The following PMFBP1 variants were observed in gnomAD, a reference collection of about 807,000 sequenced individuals.
The protein encoded by PMFBP1 is polyamine modulated factor 1 binding protein 1.
A neutral mutation model predicts 137.8 loss-of-function variants in PMFBP1; 131 were observed. The ratio of observed to expected loss-of-function variants is 0.95; its 90% CI spans 0.82 to 1.10. The LOEUF (loss-of-function observed/expected upper bound fraction) is 1.10. Among genes scored for constraint, PMFBP1 ranks in the 50% least tolerant of loss-of-function variants. The probability of loss-of-function intolerance (pLI) is 0.00; values close to 1 mark genes in which losing one functional copy is unlikely to be tolerated. For synonymous variants in PMFBP1, 490 were observed against 450.4 expected (o/e 1.09, Z -1.11); for missense variants, 1,199 against 1,175.4 (o/e 1.02, Z -0.29).
At chr16:72,193,058 G>A in the PMFBP1 span, among the ~76,000 whole-genome samples, 1 of 152,040 alleles carries the variant, frequency 6.6e-6, no homozygotes. Context: ...CAGTTACATG[G>A]ACCACCCTAT....
At chr16:72,240,068 C>A in the PMFBP1 span, among the ~76,000 whole-genome samples, 1 of 152,208 alleles carries the variant, frequency 6.6e-6, no homozygotes. Flanking sequence ...ATGCACAGAA[C>A]ATTTCAGCTA....
At chr16:72,214,570 T>A in the PMFBP1 span, among the ~76,000 whole-genome samples, 3 of 152,222 alleles carry the variant, frequency 2.0e-5, no homozygotes, top group Non-Finnish European at 4.4e-5. Context: ...TTATGGAAAT[T>A]CAGTGTCTAG....
chr16:72,138,336 G>A (rs935680444), intron 7 of PMFBP1, among the ~76,000 whole-genome samples: 3 of 152,036 alleles, frequency 2.0e-5, no homozygotes, highest in African/African-American at 7.2e-5. Context: ...CTGCCACCCC[G>A]CTTCGCCCCC....
chr16:72,154,181 G>C (rs775756793), intron 4 of PMFBP1, 30 bp downstream of exon 4: 1 of 1,605,822 alleles, frequency 6.2e-7, no homozygotes, highest in South Asian at 1.1e-5. Context: ...CTAAGAATGT[G>C]GGTTATTTCC....
In PMFBP1 at chr16:72,126,007, T is replaced by C; in HGVS notation, c.2214A>G (p.Ser738=). 1 of 1,614,228 alleles carries C rather than the reference T, an allele frequency of 6.2e-7. No individual in the cohort carries two copies. Among genetic ancestry groups the C allele is most frequent in the Non-Finnish European group, 8.5e-7 (1 of 1,180,018 alleles). The change falls in exon 15 of 21, where the codon TCA becomes TCG. Residue 738 remains serine (S), a synonymous_variant. Transcript: ENST00000237353. Reference sequence around the variant, plus strand: ...GTGTCAGGTCATCCTGGCAGGCGGCTGACTTCCGGGATAATGCATCATAGG... The same window carrying C: ...GTGTCAGGTCATCCTGGCAGGCGGCCGACTTCCGGGATAATGCATCATAGG... ...KEAYDALSRK[S]AACQDDLTQA...
rs1466827470 is a variant in PMFBP1, at chr16:72,125,865, C to T, written c.2253+103G>A. 5 of 1,381,842 alleles carry T rather than the reference C, an allele frequency of 3.6e-6. No homozygotes were observed. In the East Asian group the frequency reaches 6.9e-5, roughly 19 times the overall value. 85.6% of individuals were successfully genotyped at this position (1,381,842 alleles called of 1,614,324 possible). A position where few individuals can be genotyped will look rare whatever the true frequency, so the allele number is the denominator to read the frequency against. ...CCCACACAAGGGTTTGAGATGGCCC[C>T]ATTGACAGTCAATAGGCAGGAAATT... On this transcript the variant is annotated intron_variant, in intron 15 of 20. Transcript: ENST00000237353.
At chr16:72,168,056 A>G (rs956443443) in intron 2 of PMFBP1, among the ~76,000 whole-genome samples, 1 of 152,220 alleles carries the variant, frequency 6.6e-6, no homozygotes, top group African/African-American at 2.4e-5. Context: ...TAATTTGTAC[A>G]TTTAGCATCG....
At chr16:72,180,081 C>T (rs2043271050), upstream of PMFBP1, among the ~76,000 whole-genome samples, 1 of 152,156 alleles carries the variant, frequency 6.6e-6, no homozygotes, top group African/African-American at 2.4e-5. Flanking sequence ...CTTTCCCGCA[C>T]AGTACATGAG....
rs561136437 is a variant in PMFBP1 at position 72,143,825 on chromosome 16, G to A, written c.637-3243C>T. On this transcript the variant is annotated intron_variant, in intron 5 of 20. Transcript: ENST00000237353. ...GGAGGCCAAGGTAGGCAGATCACCTGAGGTCAGGAGTTCGAGGCCAGCCTG... is the reference window on the plus strand; with the variant it reads ...GGAGGCCAAGGTAGGCAGATCACCTAAGGTCAGGAGTTCGAGGCCAGCCTG... 2.4e-3 allele frequency among the ~76,000 whole-genome samples: 370 copies of A among 152,238 alleles called. 2 individuals carry two copies. The highest frequency in any genetic ancestry group is 2.1e-3 in the Non-Finnish European group (141 of 68,016).
intron 2 of PMFBP1, among the ~76,000 whole-genome samples, chr16:72,166,501 C>T (rs377201312): frequency 6.6e-6 from 1 of 152,130 alleles, no homozygotes; most frequent in African/African-American, 2.4e-5. Context: ...AATACAGTAC[C>T]TATCTCTTAG....
chr16:72,248,015 C>T, the PMFBP1 span, among the ~76,000 whole-genome samples: 12 of 152,242 alleles, frequency 7.9e-5, no homozygotes, highest in Non-Finnish European at 4.4e-5. Context: ...CCTCGGTCTG[C>T]CAAGTATCGA....
At chr16:72,227,962 C>A in the PMFBP1 span, among the ~76,000 whole-genome samples, 2 of 152,194 alleles carry the variant, frequency 1.3e-5, no homozygotes, top group Non-Finnish European at 2.9e-5. Flanking sequence ...AACACCTAAA[C>A]GCCAAGTGAA....
At chr16:72,231,999 G>C in the PMFBP1 span, among the ~76,000 whole-genome samples, 2 of 143,714 alleles carry the variant, frequency 1.4e-5, no homozygotes, top group Admixed American at 7.4e-5. Context: ...TTCAATCTCT[G>C]GTCACGCCAA....
intron 2 of PMFBP1, among the ~76,000 whole-genome samples, chr16:72,165,356 C>T (rs1270235792): frequency 1.3e-5 from 2 of 152,090 alleles, no homozygotes; most frequent in Middle Eastern, 3.4e-3. Context: ...CCTTTCTCTT[C>T]TACCCACTAG....
intron 2 of PMFBP1, 54 bp from the exon 3 acceptor site, chr16:72,164,970 CT>C: frequency 6.7e-7 from 1 of 1,501,354 alleles, no homozygotes; most frequent in Non-Finnish European, 9.0e-7. Context: ...GAAAGTGCTG[CT>C]TTCATTCACT....
At chr16:72,122,614 C>G (rs2042391794) in intron 19 of PMFBP1, among the ~76,000 whole-genome samples, 1 of 152,244 alleles carries the variant, frequency 6.6e-6, no homozygotes, top group African/African-American at 2.4e-5. Flanking sequence ...ATAATCCAGT[C>G]TGCCTTTCAG....
the PMFBP1 span, among the ~76,000 whole-genome samples, chr16:72,210,810 T>C: frequency 6.6e-6 from 1 of 152,124 alleles, no homozygotes; most frequent in Admixed American, 6.6e-5. Flanking sequence ...TCTTCCCTAG[T>C]ACAGTAAGAG....
rs1234345001 is a variant in PMFBP1, at chr16:72,158,536, A to G, written c.166-4077T>C. Among the ~76,000 whole-genome samples the G allele has an allele frequency of 2.6e-5, 4 of 152,224 alleles. No individual in the cohort carries two copies. The East Asian group carries it at 7.7e-4, about 29-fold the overall frequency. ...TACACAGATAGAGGGGCTTCTGAAGAGCCTGAGTCCTCCTGCTTACATAGT... is the reference window on the plus strand; with the variant it reads ...TACACAGATAGAGGGGCTTCTGAAGGGCCTGAGTCCTCCTGCTTACATAGT... On this transcript the variant is annotated intron_variant, in intron 3 of 20. Transcript: ENST00000237353.
the PMFBP1 span, among the ~76,000 whole-genome samples, chr16:72,241,984 C>T: frequency 6.6e-6 from 1 of 152,156 alleles, no homozygotes; most frequent in Admixed American, 6.5e-5. Context: ...GACTTGGACC[C>T]TCCGGACACA....
Sources: allele counts gnomAD v4.1 joint callset (sites outside exome capture counted in the v4.1 genomes callset), GRCh38; gene constraint gnomAD v4.1.1; transcripts MANE v1.5; gene names NCBI Gene and HGNC (gene_info 2026-07-23, HGNC 2026-07-21).